TAMM41: variants seen among roughly 807,000 people sequenced by gnomAD.
TAMM41 encodes the protein TAM41 mitochondrial translocator assembly and maintenance homolog, also known as phosphatidate cytidylyltransferase, mitochondrial.
Under a neutral mutation model 44.1 loss-of-function variants are expected in TAMM41, and 36 were observed. The observed-to-expected ratio is 0.82, with a 90% CI of 0.63 to 1.08. The LOEUF (loss-of-function observed/expected upper bound fraction) is 1.08. TAMM41 is among the 50% of genes least tolerant of loss of function. TAMM41 has a pLI of 0.00. For synonymous variants in TAMM41, 164 were observed against 153.1 expected (o/e 1.07, Z -0.53); for missense variants, 417 against 404.3 (o/e 1.03, Z -0.27).
At chr3:11,804,943 C>T (rs2077856464) in intron 7 of TAMM41, among the ~76,000 whole-genome samples, 1 of 150,692 alleles carries the variant, frequency 6.6e-6, no homozygotes, top group Non-Finnish European at 1.5e-5. Context: ...TAGCTCAATG[C>T]CGCCTCGACT....
chr3:11,772,284 T>C, the TAMM41 span, among the ~76,000 whole-genome samples: 2 of 149,702 alleles, frequency 1.3e-5, no homozygotes, highest in Non-Finnish European at 3.0e-5. Flanking sequence ...GCTTTCACCG[T>C]GTTAGCCAGG....
rs183473164 is a variant in TAMM41 at position 11,792,113 on chromosome 3, T to C, written c.938-1532A>G. 2.7e-3 allele frequency among the ~76,000 whole-genome samples: 414 copies of C among 152,268 alleles called. 2 individuals carry two copies. Among genetic ancestry groups the C allele is most frequent in the African/African-American group, 9.5e-3 (395 of 41,560 alleles). Reference sequence around the variant, plus strand: ...TTCCCAGCTCAACTTCAAAAAGCAGTTCCTGGATCTTAAACATTTAAGGTA... The same window carrying C: ...TTCCCAGCTCAACTTCAAAAAGCAGCTCCTGGATCTTAAACATTTAAGGTA... On this transcript the variant is annotated intron_variant, in intron 7 of 7. Transcript: ENST00000455809.
rs778774576 is a variant in TAMM41, at chr3:11,813,928, GTGTGTATATA to G, written c.708+3254_708+3263del. ...TATATGTGTGTATATATGTATATAT[GTGTGTATATA>G]TGTGTATATATATGTATATATACAT... is the stretch of plus-strand genomic sequence containing the variant. On this transcript the variant is annotated intron_variant, in intron 5 of 7. Coordinates refer to ENST00000455809, the MANE Select transcript of TAMM41 (RefSeq NM_001284401.2). Among the ~76,000 whole-genome samples the G allele has an allele frequency of 3.0e-3, 445 of 146,126 alleles. 3 individuals are homozygous for G. Among genetic ancestry groups the G allele is most frequent in the Non-Finnish European group, 2.4e-3 (160 of 66,968 alleles).
chr3:11,827,557 C>T (rs537379904), intron 4 of TAMM41, among the ~76,000 whole-genome samples: 8 of 149,400 alleles, frequency 5.4e-5, no homozygotes, highest in South Asian at 4.2e-4. Context: ...GATCTGCCTG[C>T]CTTGGCCTCT....
chr3:11,805,792 T>C (rs1331943754), intron 7 of TAMM41, among the ~76,000 whole-genome samples: 1 of 152,236 alleles, frequency 6.6e-6, no homozygotes, highest in East Asian at 1.9e-4. Flanking sequence ...TCTGTTAGCA[T>C]GTCTCTTTTC....
chr3:11,729,538 CATTTTTTTTTTTTTTTTTTTTTTTTTT>C, the TAMM41 span, among the ~76,000 whole-genome samples: 1 of 65,540 alleles, frequency 1.5e-5, no homozygotes, highest in Admixed American at 2.1e-4. Flanking sequence ...TTCTTTCTTT[CATTTTTTTTTTTTTTTTTTTTTTTTTT>C]TTTTTTTTTT....
the TAMM41 span, among the ~76,000 whole-genome samples, chr3:11,785,226 G>A: frequency 1.2e-3 from 184 of 152,290 alleles, 1 homozygote; most frequent in African/African-American, 4.1e-3. Flanking sequence ...ATTGGAGACC[G>A]TGGTGTCAGA....
At chr3:11,815,453 G>A (rs1009497694) in intron 5 of TAMM41, among the ~76,000 whole-genome samples, 13 of 152,140 alleles carry the variant, frequency 8.5e-5, no homozygotes, top group African/African-American at 2.9e-4. Context: ...AGAGTTTGAG[G>A]ATGACTGACC....
rs2077458762 is a variant in TAMM41, at chr3:11,790,694, A to AC, written c.938-114dup. The AC allele has an allele frequency of 3.4e-6, 3 of 879,284 alleles. No homozygotes were observed. In the South Asian group the frequency reaches 4.4e-5, roughly 13 times the overall value. 54.5% of individuals were successfully genotyped at this position (879,284 alleles called of 1,614,324 possible). On this transcript the variant is annotated intron_variant, in intron 7 of 7. Transcript: ENST00000455809. Reference sequence around the variant, plus strand: ...TTTGGAGGAGGGCAGTGAGGGGCTGACCCGTGGCTCTAGGAGACCAGGGAG... The same window carrying AC: ...TTTGGAGGAGGGCAGTGAGGGGCTGACCCCGTGGCTCTAGGAGACCAGGGAG...
chr3:11,782,782 G>A, the TAMM41 span, among the ~76,000 whole-genome samples: 3 of 152,174 alleles, frequency 2.0e-5, no homozygotes, highest in African/African-American at 7.2e-5. Flanking sequence ...TTGGAGTTTG[G>A]GGCATGGACT....
intron 6 of TAMM41, 168 bp from the exon 7 acceptor site, chr3:11,808,063 A>G: frequency 7.6e-7 from 1 of 1,320,696 alleles, no homozygotes; most frequent in East Asian, 2.5e-5. Flanking sequence ...AGTGGGATTG[A>G]GGGCCAGGAG....
At chr3:11,829,497 AC>A (rs2078894001) in intron 4 of TAMM41, among the ~76,000 whole-genome samples, 1 of 152,232 alleles carries the variant, frequency 6.6e-6, no homozygotes, top group East Asian at 1.9e-4. Flanking sequence ...ATTAACAAAA[AC>A]AACAAAATTA....
chr3:11,840,052 T>C (rs1403284459), intron 2 of TAMM41, among the ~76,000 whole-genome samples: 1 of 151,960 alleles, frequency 6.6e-6, no homozygotes, highest in Non-Finnish European at 1.5e-5. Context: ...ACTCAGCCCA[T>C]GAGGACTGTT....
At chr3:11,793,059 CAAAAAAA>C (rs61264653) in intron 7 of TAMM41, among the ~76,000 whole-genome samples, 153 of 65,120 alleles carry the variant, frequency 2.3e-3, no homozygotes, top group Middle Eastern at 0.016. Flanking sequence ...GGCCCCATCT[CAAAAAAA>C]AAAAAAAAAA....
the TAMM41 span, among the ~76,000 whole-genome samples, chr3:11,739,022 T>C: frequency 6.6e-6 from 1 of 152,190 alleles, no homozygotes; most frequent in African/African-American, 2.4e-5. Flanking sequence ...TCCAGCGACA[T>C]TAGACTCTAC....
the TAMM41 span, among the ~76,000 whole-genome samples, chr3:11,775,433 A>G: frequency 6.6e-6 from 1 of 152,140 alleles, no homozygotes; most frequent in African/African-American, 2.4e-5. Flanking sequence ...CAGTGTTACA[A>G]TTTCACCAAG....
downstream of TAMM41, among the ~76,000 whole-genome samples, chr3:11,790,274 C>T (rs1353105430): frequency 3.9e-5 from 6 of 152,214 alleles, no homozygotes. Flanking sequence ...TTCTGCAGGA[C>T]CCACATGACT....
chr3:11,837,134 C>T (rs1200772321), intron 3 of TAMM41, among the ~76,000 whole-genome samples: 2 of 152,128 alleles, frequency 1.3e-5, no homozygotes, highest in Non-Finnish European at 2.9e-5. Context: ...ACAGCCCATG[C>T]ACATCAATAA....
Position 11,809,785 on chromosome 3 carries a change from C to T in TAMM41, c.709-103G>A, listed in dbSNP as rs567312208. ...TTTAAAAATCACACAAACATATATG[C>T]ACCCACACCCCTGGCGAGGCAGCAA... On this transcript the variant is annotated intron_variant, in intron 5 of 7. Coordinates refer to ENST00000455809, the MANE Select transcript of TAMM41 (RefSeq NM_001284401.2). The T allele has an allele frequency of 2.0e-5, 23 of 1,174,718 alleles. No individual in the cohort carries two copies. In the South Asian group the frequency reaches 3.2e-4, roughly 16 times the overall value. The allele number at this position is 1,174,718 out of a possible 1,614,324, so 72.8% of individuals were successfully genotyped here. A position where few individuals can be genotyped will look rare whatever the true frequency, so the allele number is the denominator to read the frequency against.
Sources: gnomAD v4.1 joint callset for allele counts (sites outside exome capture counted in the v4.1 genomes callset) on GRCh38, gnomAD v4.1.1 for gene constraint, MANE v1.5 for transcripts, NCBI Gene and HGNC (gene_info 2026-07-23, HGNC 2026-07-21) for gene names.